Variants in WDR17 observed in about 807,000 individuals in gnomAD.
WDR17 encodes WD repeat domain 17.
WDR17 carries 143 observed loss-of-function variants against 161.7 expected under a neutral mutation model. The ratio of observed to expected loss-of-function variants is 0.88; its 90% CI spans 0.77 to 1.02. The LOEUF is 1.02. WDR17 is among the 50% of genes least tolerant of loss of function. The probability of loss-of-function intolerance (pLI) is 0.00; values close to 1 mark genes in which losing one functional copy is unlikely to be tolerated. For synonymous variants in WDR17, 517 were observed against 515.6 expected (o/e 1.00, Z -0.04); for missense variants, 1,469 against 1,520.9 (o/e 0.97, Z 0.57).
At chr4:176,148,026 C>A (rs1255227244) in intron 12 of WDR17, 107 bp from the exon 13 acceptor site, 2 of 853,144 alleles carry the variant, frequency 2.3e-6, no homozygotes, top group Non-Finnish European at 3.4e-6. Flanking sequence ...ACATAAAATG[C>A]TTCTAGATAA....
chr4:176,107,880 TTTCC>T (rs1247463113), intron 1 of WDR17, among the ~76,000 whole-genome samples: 9 of 150,780 alleles, frequency 6.0e-5, no homozygotes, highest in Admixed American at 1.3e-4. Context: ...CTTTTCCTTC[TTTCC>T]TTCCTTTTTT....
chr4:176,161,888 G>A (rs965315547), intron 20 of WDR17, among the ~76,000 whole-genome samples, 187 bp from the exon 21 acceptor site: 8 of 152,028 alleles, frequency 5.3e-5, no homozygotes, highest in Admixed American at 2.0e-4. Context: ...GGGAGATAGA[G>A]GCTTATCAGA....
At position 176,139,468 on chromosome 4, in the gene WDR17, A is replaced by G. The variant is rs139668201; in HGVS notation, c.1360-424A>G. On this transcript the variant is annotated intron_variant, in intron 9 of 28. Coordinates refer to ENST00000508596, the MANE Select transcript of WDR17 (RefSeq NM_181265.4). ...AACTTTGAAACTTAGAGAAACAACCAATAATAACTGCTTGCAACATTTCTT... is the reference window on the plus strand; with the variant it reads ...AACTTTGAAACTTAGAGAAACAACCGATAATAACTGCTTGCAACATTTCTT... 3.7e-3 allele frequency among the ~76,000 whole-genome samples: 568 copies of G among 152,054 alleles called. 3 individuals are homozygous for G. Among genetic ancestry groups the G allele is most frequent in the African/African-American group, 0.013 (532 of 41,564 alleles).
At chr4:176,076,268 CATAT>C (rs1181590547) in intron 1 of WDR17, among the ~76,000 whole-genome samples, 2 of 32,374 alleles carry the variant, frequency 6.2e-5, no homozygotes, top group Non-Finnish European at 1.1e-4. Context: ...CACACACACA[CATAT>C]ATATACATGT....
At chr4:176,105,552 A>G (rs1420441674) in intron 1 of WDR17, among the ~76,000 whole-genome samples, 3 of 152,106 alleles carry the variant, frequency 2.0e-5, no homozygotes, top group African/African-American at 7.2e-5. Flanking sequence ...GTTAGAAATC[A>G]ATAACAGAAA....
At chr4:176,107,857 TCTTC>T (rs1202746738) in intron 1 of WDR17, among the ~76,000 whole-genome samples, 3 of 150,592 alleles carry the variant, frequency 2.0e-5, no homozygotes, top group South Asian at 2.1e-4. Context: ...TTCCTTTTTT[TCTTC>T]CTTCCTTCCT....
chr4:176,141,865 G>T, intron 10 of WDR17, 118 bp from the exon 11 acceptor site: 1 of 789,404 alleles, frequency 1.3e-6, no homozygotes, highest in African/African-American at 1.7e-5. Flanking sequence ...TTTTTGCTTT[G>T]TAGACAAAAT....
In WDR17 at chr4:176,146,128, G is replaced by T. The variant is rs757023090; in HGVS notation, c.1663G>T (p.Glu555Ter). 2.5e-6 allele frequency: 4 copies of T among 1,613,712 alleles called. No individual in the cohort carries two copies. In the South Asian group the frequency reaches 4.4e-5, roughly 18 times the overall value. Residue 555 changes from glutamate to a stop codon, truncating the protein, a stop_gained, in exon 12 of 29, where the codon GAG becomes TAG. Transcript: ENST00000508596. LOFTEE classifies it high-confidence loss of function. ...TCATGTTAAATGGTCTCCTCTGAGA[G>T]AGGGAATTCTTTGCAGTGGTTCTGA... ...VFHVKWSPLR[E>*]GILCSGSDDG...
chr4:176,166,794 C>T (rs191499699), intron 22 of WDR17, among the ~76,000 whole-genome samples: 80 of 152,190 alleles, frequency 5.3e-4, no homozygotes, highest in Non-Finnish European at 1.0e-3. Flanking sequence ...AGCTAAACTA[C>T]TCTAACTTGG....
chr4:176,134,165 G>C (rs1438829050), intron 7 of WDR17, among the ~76,000 whole-genome samples: 1 of 151,594 alleles, frequency 6.6e-6, no homozygotes, highest in Admixed American at 6.6e-5. Context: ...AACTTTACGA[G>C]TACTTTTGTA....
intron 1 of WDR17, among the ~76,000 whole-genome samples, chr4:176,076,350 CTT>C (rs998096982): frequency 3.8e-4 from 51 of 134,266 alleles, no homozygotes; most frequent in African/African-American, 1.4e-3. Flanking sequence ...AACAAAAGCA[CTT>C]TTGATCTGCC....
chr4:176,171,274 T>G (rs1420267741), intron 23 of WDR17, among the ~76,000 whole-genome samples: 2 of 152,324 alleles, frequency 1.3e-5, no homozygotes, highest in African/African-American at 2.4e-5. Flanking sequence ...TTTCTTCTTC[T>G]TATAGTCTAT....
intron 3 of WDR17, among the ~76,000 whole-genome samples, chr4:176,118,577 A>T (rs1030725608): frequency 6.6e-6 from 1 of 152,110 alleles, no homozygotes; most frequent in African/African-American, 2.4e-5. Context: ...ACTGTCAATC[A>T]GCGAATTTCC....
chr4:176,168,752 G>A lies in WDR17; in HGVS notation c.3071G>A (p.Cys1024Tyr), dbSNP rs1200172920. 6.2e-7 allele frequency: 1 copy of A among 1,612,382 alleles called. No homozygotes were observed. ...LIKLCAFYPG[C>Y]TEEINDLHDK... is the part of the protein sequence containing the mutation. ...AAACTCTGTGCTTTCTACCCAGGAT[G>A]TACTGAAGAGATAAATGACCTTCAT... Residue 1024 changes from cysteine (C) to tyrosine (Y), a missense_variant, in exon 23 of 29, where the codon TGT (cysteine) becomes TAT (tyrosine). Cys to Tyr is a radical substitution (Grantham distance 194, BLOSUM62 -2). Transcript: ENST00000508596.
chr4:176,131,097 T>C (rs189733937), intron 6 of WDR17, among the ~76,000 whole-genome samples: 124 of 152,280 alleles, frequency 8.1e-4, no homozygotes, highest in African/African-American at 2.7e-3. Context: ...AAATGAATTA[T>C]GCATAATCTC....
chr4:176,166,191 ACTC>A (rs758686554), intron 22 of WDR17: 47 of 626,384 alleles, frequency 7.5e-5, no homozygotes, highest in Non-Finnish European at 1.2e-4. Flanking sequence ...AAATGTATAT[ACTC>A]CTTTATTTTA....
At chr4:176,156,741 C>T (rs1748197652) in intron 18 of WDR17, among the ~76,000 whole-genome samples, 1 of 151,788 alleles carries the variant, frequency 6.6e-6, no homozygotes, top group African/African-American at 2.4e-5. Context: ...TATTTTCTCA[C>T]AGTTCTGGAG....
chr4:176,140,368 A>T (rs6812514), intron 10 of WDR17, among the ~76,000 whole-genome samples: 39,888 of 151,868 alleles, frequency 0.26, 5,464 homozygotes, highest in African/African-American at 0.33. Context: ...AAACTTGTTT[A>T]TAGTTGTGTA....
intron 1 of WDR17, among the ~76,000 whole-genome samples, chr4:176,066,437 T>G (rs1004457932): frequency 6.6e-6 from 1 of 152,220 alleles, no homozygotes; most frequent in African/African-American, 2.4e-5. Context: ...GGCCAGACAC[T>G]TCTGTATAGA....
Sources: allele counts gnomAD v4.1 joint callset (sites outside exome capture counted in the v4.1 genomes callset), GRCh38; gene constraint gnomAD v4.1.1; transcripts MANE v1.5; gene names NCBI Gene and HGNC (gene_info 2026-07-23, HGNC 2026-07-21).